The following GAS6 variants were observed in gnomAD, a reference collection of about 807,000 sequenced individuals.
The protein encoded by GAS6 is growth arrest-specific protein 6.
GAS6 carries 41 observed loss-of-function variants against 75.8 expected under a neutral mutation model. That is an observed-to-expected ratio of 0.54 (90% CI 0.42 to 0.70). The LOEUF is 0.70. Ranked by LOEUF, GAS6 falls within the 30% of genes least tolerant of loss-of-function variation. GAS6 has a pLI of 0.00. For synonymous variants in GAS6, 432 were observed against 412.6 expected (o/e 1.05, Z -0.57); for missense variants, 854 against 940.2 (o/e 0.91, Z 1.20).
intron 12 of GAS6, among the ~76,000 whole-genome samples, chr13:113,825,133 G>A (rs774328081): frequency 2.0e-5 from 3 of 149,480 alleles, no homozygotes; most frequent in Non-Finnish European, 4.4e-5. Flanking sequence ...CAGGAGAATC[G>A]CTTGAACCTG....
At chr13:113,850,475 G>A (rs1474369605) in intron 2 of GAS6, among the ~76,000 whole-genome samples, 1 of 152,196 alleles carries the variant, frequency 6.6e-6, no homozygotes, top group African/African-American at 2.4e-5. Flanking sequence ...TCCCAGGCTG[G>A]AAATGGCGCC....
chr13:113,830,789 T>C (rs1397265866), intron 10 of GAS6, among the ~76,000 whole-genome samples: 1 of 127,764 alleles, frequency 7.8e-6, no homozygotes, highest in African/African-American at 3.1e-5. Context: ...CTCCTCCCCA[T>C]GGCTCCATCC....
intron 5 of GAS6, chr13:113,839,010 C>T (rs547214781): frequency 5.7e-4 from 96 of 167,242 alleles, no homozygotes; most frequent in African/African-American, 2.2e-3. Context: ...TCCCCAGCTG[C>T]GGTCTCAGCC....
intron 4 of GAS6, chr13:113,841,728 A>C (rs79602819): frequency 5.6e-4 from 24 of 43,142 alleles, no homozygotes; most frequent in East Asian, 1.8e-3. Flanking sequence ...CATACACCCC[A>C]CAGTTTCCTC....
At chr13:113,832,776 G>T in intron 8 of GAS6, 24 bp from the exon 9 acceptor site, 1 of 1,612,140 alleles carries the variant, frequency 6.2e-7, no homozygotes, top group Non-Finnish European at 8.5e-7. Context: ...GGGCCACGCC[G>T]GTCGGGGATG....
chr13:113,862,549 G>A (rs6602906), intron 2 of GAS6, among the ~76,000 whole-genome samples: 69,139 of 152,148 alleles, frequency 0.45, 19,334 homozygotes, highest in African/African-American at 0.79. Context: ...GGCCTGTGGG[G>A]CTGTGGGCAG....
chr13:113,828,475 T>G, intron 11 of GAS6, 72 bp downstream of exon 11: 2 of 1,505,146 alleles, frequency 1.3e-6, no homozygotes, highest in Non-Finnish European at 9.1e-7. Context: ...AGGGTGTGAC[T>G]GAGGCTTCCT....
intron 11 of GAS6, among the ~76,000 whole-genome samples, chr13:113,827,542 G>A (rs2051566122): frequency 7.0e-6 from 1 of 141,998 alleles, no homozygotes; most frequent in Admixed American, 6.8e-5. Flanking sequence ...AAACGAGGAG[G>A]GTCCAGCCAG....
chr13:113,824,647 G>A (rs147829688), intron 12 of GAS6, among the ~76,000 whole-genome samples: 17 of 152,250 alleles, frequency 1.1e-4, no homozygotes, highest in Non-Finnish European at 1.2e-4. Context: ...TGGGCGCCTC[G>A]CACTGCAGGC....
Position 113,838,089 on chromosome 13 carries a change from G to A in GAS6, c.569C>T (p.Ser190Phe). The A allele has an allele frequency of 1.2e-6, 2 of 1,612,834 alleles. No individual in the cohort carries two copies. Among genetic ancestry groups the A allele is most frequent in the Non-Finnish European group, 1.7e-6 (2 of 1,179,868 alleles). ...CTTACCTTGGCAGGTCCTGCCATCA[G>A]AGGAGAGCTCGAAGCCGCTGTGGCA... ...CSCHSGFELS[S>F]DGRTCQDIDE... Residue 190 changes from serine to phenylalanine, a missense_variant, in exon 6 of 15, where the codon TCT becomes TTT. Ser to Phe is a radical substitution (Grantham distance 155). Coordinates refer to ENST00000327773, the MANE Select transcript of GAS6 (RefSeq NM_000820.4).
chr13:113,849,826 T>C (rs1232959489), intron 2 of GAS6, among the ~76,000 whole-genome samples: 1 of 152,240 alleles, frequency 6.6e-6, no homozygotes, highest in Non-Finnish European at 1.5e-5. Context: ...CTAATTTGCA[T>C]GTTTGATTAT....
chr13:113,840,218 G>A, intron 4 of GAS6: 1 of 240,398 alleles, frequency 4.2e-6, no homozygotes, highest in Non-Finnish European at 8.0e-6. Flanking sequence ...GGGCTTCCAG[G>A]CAGACTCGGA....
At chr13:113,859,840 G>C (rs1432782864) in intron 2 of GAS6, among the ~76,000 whole-genome samples, 2 of 152,114 alleles carry the variant, frequency 1.3e-5, no homozygotes, top group South Asian at 2.1e-4. Flanking sequence ...TTCCCCACCA[G>C]GCGCCCCCAC....
At chr13:113,831,720 C>A (rs1432940471) in intron 10 of GAS6, among the ~76,000 whole-genome samples, 1 of 152,122 alleles carries the variant, frequency 6.6e-6, no homozygotes, top group African/African-American at 2.4e-5. Flanking sequence ...AGTGAGCCCC[C>A]AGAGCATGAA....
intron 13 of GAS6, 72 bp downstream of exon 13, chr13:113,823,303 C>T (rs2051484902): frequency 6.8e-7 from 1 of 1,476,556 alleles, no homozygotes. Flanking sequence ...CCCTTCGTCC[C>T]CTGCCAGGGA....
intron 4 of GAS6, 134 bp downstream of exon 4, chr13:113,846,393 G>C: frequency 1.5e-6 from 1 of 657,122 alleles, no homozygotes; most frequent in Non-Finnish European, 2.6e-6. Context: ...TTGGCGAAAA[G>C]GGAGCAGGCC....
At chr13:113,834,526 G>A (rs779439792) in intron 8 of GAS6, 25 bp downstream of exon 8, 14 of 1,516,668 alleles carry the variant, frequency 9.2e-6, no homozygotes, top group African/African-American at 2.8e-5. Flanking sequence ...ACCGTGAAGG[G>A]CCCGCGGGGC....
chr13:113,842,041 ATACGCCTCAATTTCCTTTG>A (rs1483144092), intron 4 of GAS6: 5 of 123,034 alleles, frequency 4.1e-5, no homozygotes, highest in African/African-American at 1.5e-4. Flanking sequence ...AGTTTCCTCC[ATACGCCTCAATTTCCTTTG>A]TACGCCCCAG....
rs973632123 is a variant in GAS6 at position 113,823,399 on chromosome 13, G to C, written c.1629C>G (p.His543Gln). 2 of 1,611,976 alleles carry C rather than the reference G, an allele frequency of 1.2e-6. No individual in the cohort carries two copies. The highest frequency in any genetic ancestry group is 1.7e-6 in the Non-Finnish European group (2 of 1,179,482). Residue 543 changes from histidine to glutamine, a missense_variant, in exon 13 of 15, where the codon CAC (histidine) becomes CAG (glutamine). Transcript: ENST00000327773. ...CCTGCTTCTTGAGTTTCTTCGTGGA[G>C]TGATAGTCTACCAGTGCCACAGAGA... Reference protein sequence around the residue: ...VPLSVALVDYHSTKKLKKQLV... With the variant: ...VPLSVALVDYQSTKKLKKQLV...
Sources: allele counts gnomAD v4.1 joint callset (sites outside exome capture counted in the v4.1 genomes callset), GRCh38; gene constraint gnomAD v4.1.1; transcripts MANE v1.5; gene names NCBI Gene and HGNC (gene_info 2026-07-23, HGNC 2026-07-21).